RGS6: variants seen among roughly 807,000 people sequenced by gnomAD.
RGS6 encodes regulator of G protein signaling 6, also known as regulator of G-protein signaling 6.
Under a neutral mutation model 78.5 loss-of-function variants are expected in RGS6, and 30 were observed. That is an observed-to-expected ratio of 0.38 (90% CI 0.29 to 0.52). RGS6 has a LOEUF of 0.52. Ranked by LOEUF, RGS6 falls within the 20% of genes least tolerant of loss-of-function variation. The pLI is 0.85. For synonymous variants in RGS6, 206 were observed against 206.0 expected, an observed-to-expected ratio of 1.00 and a Z score of 0.00; for missense variants, 495 against 609.7, an observed-to-expected ratio of 0.81 and a Z score of 1.98.
At chr14:72,331,959 A>C (rs1380874258) in intron 2 of RGS6, among the ~76,000 whole-genome samples, 1 of 152,246 alleles carries the variant, frequency 6.6e-6, no homozygotes, top group Non-Finnish European at 1.5e-5. Context: ...TCAGCCCTGC[A>C]AAGAGTTAAA....
intron 9 of RGS6, among the ~76,000 whole-genome samples, chr14:72,473,376 G>A (rs773665702): frequency 6.6e-6 from 1 of 152,160 alleles, no homozygotes; most frequent in Non-Finnish European, 1.5e-5. Flanking sequence ...CCCGGGAGGC[G>A]GAGCTTGCAG....
At chr14:72,547,770 T>C (rs1026138775) in intron 17 of RGS6, among the ~76,000 whole-genome samples, 1 of 152,056 alleles carries the variant, frequency 6.6e-6, no homozygotes, top group Non-Finnish European at 1.5e-5. Context: ...CCATGCCCCC[T>C]AATCATGGCC....
At chr14:72,259,154 G>A (rs1490560691) in intron 2 of RGS6, among the ~76,000 whole-genome samples, 1 of 152,170 alleles carries the variant, frequency 6.6e-6, no homozygotes, top group African/African-American at 2.4e-5. Flanking sequence ...CATTTGTTGG[G>A]ATTTTTGTTT....
intron 17 of RGS6, chr14:72,550,348 G>A: frequency 1.2e-6 from 1 of 860,294 alleles, no homozygotes; most frequent in Non-Finnish European, 1.9e-6. Context: ...GGGAGGCAGA[G>A]GGCACCTGTA....
intron 3 of RGS6, among the ~76,000 whole-genome samples, chr14:72,414,204 AC>A: frequency 6.6e-6 from 1 of 152,196 alleles, no homozygotes. Context: ...TTTCAGGTAC[AC>A]CAATCAGACG....
rs146592746 is a variant in RGS6, at chr14:72,404,105, G to T, written c.185-50423G>T. On this transcript the variant is annotated intron_variant, in intron 3 of 17. Coordinates refer to ENST00000553525, the MANE Select transcript of RGS6 (RefSeq NM_001204424.2). ...TGCACAGTGTTTACTAGTGTTGCTC[G>T]CATGGCATGAGGAGGAAAGGGCACA... Among the ~76,000 whole-genome samples, 141 of 152,288 alleles carry T rather than the reference G, an allele frequency of 9.3e-4. 2 individuals carry two copies. Among genetic ancestry groups the T allele is most frequent in the African/African-American group, 3.2e-3 (132 of 41,564 alleles).
At chr14:72,505,782 T>G (rs2153435695) in intron 13 of RGS6, among the ~76,000 whole-genome samples, 1 of 152,304 alleles carries the variant, frequency 6.6e-6, no homozygotes, top group African/African-American at 2.4e-5. Context: ...TGGCTTATAT[T>G]AAGATTTAAA....
intron 12 of RGS6, among the ~76,000 whole-genome samples, chr14:72,479,951 C>T (rs1163411545): frequency 6.6e-6 from 1 of 152,114 alleles, no homozygotes; most frequent in Non-Finnish European, 1.5e-5. Flanking sequence ...TGGAAGAGCT[C>T]TTTAGGGTTT....
At chr14:72,068,117 A>G (rs1310974812) in intron 2 of RGS6, among the ~76,000 whole-genome samples, 1 of 148,656 alleles carries the variant, frequency 6.7e-6, no homozygotes, top group Non-Finnish European at 1.5e-5. Flanking sequence ...AATATCATTT[A>G]TTTAATTATG....
At chr14:72,150,398 T>G (rs1222417701) in intron 2 of RGS6, among the ~76,000 whole-genome samples, 2 of 152,092 alleles carry the variant, frequency 1.3e-5, no homozygotes, top group South Asian at 4.2e-4. Context: ...AAATTTCTGT[T>G]TTAAGCCACG....
chr14:72,004,897 G>A (rs1463459114), intron 2 of RGS6, among the ~76,000 whole-genome samples: 2 of 152,196 alleles, frequency 1.3e-5, no homozygotes, highest in African/African-American at 2.4e-5. Context: ...GTCCATTGGT[G>A]TAACACGAAT....
chr14:72,391,067 G>A (rs1222586401), intron 3 of RGS6, among the ~76,000 whole-genome samples: 2 of 152,160 alleles, frequency 1.3e-5, no homozygotes, highest in African/African-American at 4.8e-5. Flanking sequence ...GCAAATGCAA[G>A]CATATGAATA....
intron 2 of RGS6, among the ~76,000 whole-genome samples, chr14:72,319,219 C>T (rs2071166538): frequency 6.6e-6 from 1 of 152,090 alleles, no homozygotes; most frequent in African/African-American, 2.4e-5. Context: ...GATAACATTA[C>T]CATGATCTTG....
intron 2 of RGS6, among the ~76,000 whole-genome samples, chr14:72,177,221 A>G (rs879935547): frequency 5.3e-5 from 8 of 152,202 alleles, no homozygotes; most frequent in Non-Finnish European, 7.3e-5. Flanking sequence ...GGACATAGGC[A>G]CCCATGTCTC....
chr14:71,918,514 G>A, the RGS6 span, among the ~76,000 whole-genome samples: 5 of 152,190 alleles, frequency 3.3e-5, no homozygotes, highest in East Asian at 9.7e-4. Flanking sequence ...TAGTTTATTG[G>A]GATTGAAATT....
At chr14:72,629,024 G>A in the RGS6 span, among the ~76,000 whole-genome samples, 1 of 152,134 alleles carries the variant, frequency 6.6e-6, no homozygotes, top group African/African-American at 2.4e-5. Flanking sequence ...CAAATAAACA[G>A]GCTGTAATAG....
the RGS6 span, among the ~76,000 whole-genome samples, chr14:71,888,254 AAAAC>A: frequency 1.3e-5 from 2 of 151,986 alleles, no homozygotes; most frequent in African/African-American, 4.8e-5. Flanking sequence ...AAAATAAAAC[AAAAC>A]AAACAAACAA....
chr14:72,567,461 T>C (rs927463839), downstream of RGS6, among the ~76,000 whole-genome samples: 14 of 152,204 alleles, frequency 9.2e-5, no homozygotes, highest in Non-Finnish European at 1.9e-4. Flanking sequence ...CACTCTACCC[T>C]GACCGCCACG....
In RGS6 at chr14:72,160,414, C is replaced by T. The variant is rs1236048432; in HGVS notation, c.85-191681C>T. The stretch of plus-strand genomic sequence containing the variant: ...ACACGTGATCTTTGTCGTTTAATTG[C>T]GTGTGGCAAGAATGAATGGAAGTGA... On this transcript the variant is annotated intron_variant, in intron 2 of 17. Coordinates refer to ENST00000553525, the MANE Select transcript of RGS6 (RefSeq NM_001204424.2). Among the ~76,000 whole-genome samples the T allele has an allele frequency of 3.9e-5, 6 of 152,098 alleles. No homozygotes were observed. In the East Asian group the frequency reaches 7.7e-4, roughly 20 times the overall value.
Sources: gnomAD v4.1 joint callset for allele counts (sites outside exome capture counted in the v4.1 genomes callset) on GRCh38, gnomAD v4.1.1 for gene constraint, MANE v1.5 for transcripts, NCBI Gene and HGNC (gene_info 2026-07-23, HGNC 2026-07-21) for gene names.